The following TECPR2 variants were observed in gnomAD, a reference collection of about 807,000 sequenced individuals.
TECPR2 encodes the protein tectonin beta-propeller repeat containing 2.
In TECPR2, 65 loss-of-function variants were observed where a neutral mutation model predicts 138.1. The ratio of observed to expected loss-of-function variants is 0.47; its 90% CI spans 0.39 to 0.58. The LOEUF (loss-of-function observed/expected upper bound fraction) is 0.58. Among genes scored for constraint, TECPR2 ranks in the 20% least tolerant of loss-of-function variants. TECPR2 has a pLI of 0.00. For missense variants in TECPR2, 1,553 were observed against 1,824.5 expected, an observed-to-expected ratio of 0.85 and a Z score of 2.71; for synonymous variants, 746 against 749.8, an observed-to-expected ratio of 0.99 and a Z score of 0.08.
chr14:102,449,540 G>A (rs978440923), intron 13 of TECPR2, 89 bp from the exon 14 acceptor site: 1 of 1,560,250 alleles, frequency 6.4e-7, no homozygotes, highest in Non-Finnish European at 8.7e-7. Context: ...GCAGAGGTGT[G>A]GACCTGAGCT....
chr14:102,465,343 G>A, intron 17 of TECPR2, 54 bp downstream of exon 17: 1 of 1,598,500 alleles, frequency 6.3e-7, no homozygotes, highest in Non-Finnish European at 8.5e-7. Flanking sequence ...GAAACTGTGA[G>A]GATGCTGGTA....
chr14:102,383,796 C>T (rs1887907217), intron 2 of TECPR2, among the ~76,000 whole-genome samples: 1 of 152,098 alleles, frequency 6.6e-6, no homozygotes, highest in Admixed American at 6.6e-5. Flanking sequence ...AAGTTTATTG[C>T]TCCCCAGAAT....
In TECPR2 at chr14:102,380,431, A is replaced by T. The variant is rs187783973; in HGVS notation, c.219+3491A>T. On this transcript the variant is annotated intron_variant, in intron 2 of 19. Transcript: ENST00000359520. ...AAGGAAAGAGGTTTTATTGACTCAC[A>T]GTTACGCATGGCTGCGGAGGCCTCA... Among the ~76,000 whole-genome samples, 330 of 152,354 alleles carry T rather than the reference A, an allele frequency of 2.2e-3. 3 individuals carry two copies. The highest frequency in any genetic ancestry group is 7.5e-3 in the African/African-American group (313 of 41,588).
In TECPR2 at chr14:102,463,681, C is replaced by T. The variant is rs902643192; in HGVS notation, c.3641-1460C>T. On this transcript the variant is annotated intron_variant, in intron 16 of 19. Transcript: ENST00000359520. The stretch of plus-strand genomic sequence containing the variant: ...GCTCACACCTGTAATCCCAGCACTT[C>T]GGGAGGCTGAGGTGGGTGGATCACT... Among the ~76,000 whole-genome samples the T allele has an allele frequency of 2.6e-5, 4 of 151,706 alleles. No individual in the cohort carries two copies. In the East Asian group the frequency reaches 5.8e-4, roughly 22 times the overall value.
chr14:102,473,179 G>T (rs1890684270), intron 17 of TECPR2, among the ~76,000 whole-genome samples: 1 of 152,258 alleles, frequency 6.6e-6, no homozygotes, highest in Non-Finnish European at 1.5e-5. Context: ...TGGCTCTGAG[G>T]TCCAAGGCCT....
chr14:102,410,233 T>C (rs1386591727), intron 4 of TECPR2, among the ~76,000 whole-genome samples: 2 of 152,224 alleles, frequency 1.3e-5, no homozygotes, highest in Non-Finnish European at 2.9e-5. Flanking sequence ...GTGGCATTGA[T>C]TTATATTTTT....
intron 6 of TECPR2, among the ~76,000 whole-genome samples, chr14:102,426,636 A>G (rs2139718707): frequency 6.6e-6 from 1 of 152,338 alleles, no homozygotes; most frequent in South Asian, 2.1e-4. Flanking sequence ...AGGTAGGTGG[A>G]TAACCTGAGG....
At chr14:102,377,784 T>G (rs1887680458) in intron 2 of TECPR2, among the ~76,000 whole-genome samples, 1 of 152,268 alleles carries the variant, frequency 6.6e-6, no homozygotes, top group Non-Finnish European at 1.5e-5. Flanking sequence ...AGATATTTTT[T>G]TCCTAAGTGT....
chr14:102,462,810 C>T (rs1274408272), intron 16 of TECPR2, among the ~76,000 whole-genome samples: 1 of 152,188 alleles, frequency 6.6e-6, no homozygotes, highest in South Asian at 2.1e-4. Flanking sequence ...ATGCACGTAT[C>T]TGACAAAAGA....
chr14:102,467,664 A>G (rs2139774098), intron 17 of TECPR2, among the ~76,000 whole-genome samples: 1 of 152,138 alleles, frequency 6.6e-6, no homozygotes, highest in South Asian at 2.1e-4. Context: ...TTCTGGTCTC[A>G]GAAACTGCCT....
At chr14:102,435,314 C>T (rs1033371579) in intron 9 of TECPR2, 103 bp downstream of exon 9, 38 of 1,463,702 alleles carry the variant, frequency 2.6e-5, no homozygotes, top group Middle Eastern at 5.1e-4. Flanking sequence ...AAATTCTATT[C>T]CTACTGCAAA....
At chr14:102,409,975 T>C (rs1888779816) in intron 4 of TECPR2, among the ~76,000 whole-genome samples, 1 of 152,100 alleles carries the variant, frequency 6.6e-6, no homozygotes. Flanking sequence ...TGACTACTTT[T>C]TTGTATTTTT....
At chr14:102,442,197 T>C (rs1889854851) in intron 11 of TECPR2, among the ~76,000 whole-genome samples, 1 of 152,224 alleles carries the variant, frequency 6.6e-6, no homozygotes, top group Non-Finnish European at 1.5e-5. Flanking sequence ...CAGTCTGGTC[T>C]TGAACTCCTG....
chr14:102,472,754 C>T (rs1384857510), intron 17 of TECPR2, among the ~76,000 whole-genome samples: 6 of 152,160 alleles, frequency 3.9e-5, no homozygotes, highest in South Asian at 2.1e-4. Context: ...CCCTACTTTA[C>T]GAGGAAATCT....
chr14:102,448,016 A>G lies in TECPR2; in HGVS notation c.3076-1613A>G, dbSNP rs924413578. On this transcript the variant is annotated intron_variant, in intron 13 of 19. Coordinates refer to ENST00000359520, the MANE Select transcript of TECPR2 (RefSeq NM_014844.5). ...ATTCTATATAATATGTACATTATAT[A>G]CAGATGTATCTAATTTATATACTAG... is the stretch of plus-strand genomic sequence containing the variant. 5.3e-5 allele frequency among the ~76,000 whole-genome samples: 8 copies of G among 152,366 alleles called. No individual in the cohort carries two copies. The East Asian group carries it at 1.3e-3, about 26-fold the overall frequency.
At chr14:102,471,843 A>G (rs1890657426) in intron 17 of TECPR2, among the ~76,000 whole-genome samples, 1 of 151,934 alleles carries the variant, frequency 6.6e-6, no homozygotes, top group African/African-American at 2.4e-5. Flanking sequence ...TTGTTTTTCT[A>G]TCCTCTATTT....
chr14:102,376,623 A>G, intron 1 of TECPR2, 27 bp from the exon 2 acceptor site: 1 of 1,092,834 alleles, frequency 9.2e-7, no homozygotes, highest in East Asian at 2.5e-5. Context: ...CTAGGCATTG[A>G]AAGGATTGTA....
In TECPR2 at chr14:102,443,117, C is replaced by T. The variant is rs539618579; in HGVS notation, c.2753-530C>T. Among the ~76,000 whole-genome samples, 1 of 152,248 alleles carries T rather than the reference C, an allele frequency of 6.6e-6. No homozygotes were observed. The highest frequency in any genetic ancestry group is 6.5e-5 in the Admixed American group (1 of 15,282). On this transcript the variant is annotated intron_variant, in intron 11 of 19. Coordinates refer to ENST00000359520, the MANE Select transcript of TECPR2 (RefSeq NM_014844.5). This position sits in a 1 kb window ranked among gnomAD's most constrained non-coding sequence, Gnocchi z 4.9. The stretch of plus-strand genomic sequence containing the variant: ...AACGACTGCAGGCCTCAGGTCCCTG[C>T]CAACTCCAGCAGCGCTGCAGCCCTC...
chr14:102,388,538 A>G (rs1197369752), intron 2 of TECPR2, among the ~76,000 whole-genome samples: 1 of 152,062 alleles, frequency 6.6e-6, no homozygotes, highest in Non-Finnish European at 1.5e-5. Context: ...TACTAAAAAT[A>G]CAAAAATTGG....
Sources: allele counts gnomAD v4.1 joint callset (sites outside exome capture counted in the v4.1 genomes callset), GRCh38; gene constraint gnomAD v4.1.1; non-coding constraint Gnocchi (gnomAD v3.1); transcripts MANE v1.5; gene names NCBI Gene and HGNC (gene_info 2026-07-23, HGNC 2026-07-21).